The following PARP8 variants were observed in gnomAD, a reference collection of about 807,000 sequenced individuals.
PARP8 encodes protein mono-ADP-ribosyltransferase PARP8.
A neutral mutation model predicts 124.1 loss-of-function variants in PARP8; 51 were observed. The ratio of observed to expected loss-of-function variants is 0.41; its 90% CI spans 0.33 to 0.52. The LOEUF (loss-of-function observed/expected upper bound fraction) is 0.52, where lower values mean the gene tolerates loss of function less well. PARP8 is among the 20% of genes least tolerant of loss of function. The pLI is 0.21. For synonymous variants in PARP8, 391 were observed against 361.5 expected (o/e 1.08, Z -0.93); for missense variants, 860 against 1,018.9 (o/e 0.84, Z 2.12).
intron 2 of PARP8, among the ~76,000 whole-genome samples, chr5:50,685,237 C>G (rs1751730380): frequency 6.6e-6 from 1 of 152,178 alleles, no homozygotes; most frequent in Non-Finnish European, 1.5e-5. Flanking sequence ...GAATACCCAA[C>G]TCAGACTGGA....
chr5:50,790,231 A>G (rs556031752), intron 10 of PARP8, among the ~76,000 whole-genome samples: 2 of 152,206 alleles, frequency 1.3e-5, no homozygotes, highest in African/African-American at 2.4e-5. Context: ...TGTGTTTAGC[A>G]TATTATATAA....
At position 50,773,992 on chromosome 5, in the gene PARP8, A is replaced by G. The variant is rs192040507; in HGVS notation, c.519-4077A>G. On this transcript the variant is annotated intron_variant, in intron 7 of 25. Coordinates refer to ENST00000281631, the MANE Select transcript of PARP8 (RefSeq NM_024615.4). Reference sequence around the variant, plus strand: ...TAGGCAGAGGTCCCTGCGGCCTTCCACAGTGTTTGTGTCCCTGGGTACTTG... The same window carrying G: ...TAGGCAGAGGTCCCTGCGGCCTTCCGCAGTGTTTGTGTCCCTGGGTACTTG... Among the ~76,000 whole-genome samples, 1,134 of 152,236 alleles carry G rather than the reference A, an allele frequency of 7.4e-3. 15 individuals carry two copies. The highest frequency in any genetic ancestry group is 0.026 in the African/African-American group (1,064 of 41,532).
intron 14 of PARP8, among the ~76,000 whole-genome samples, chr5:50,809,567 A>G (rs752601845): frequency 2.0e-5 from 3 of 152,048 alleles, no homozygotes; most frequent in Admixed American, 6.6e-5. Flanking sequence ...ACAGCTTTCC[A>G]TACCTCAAGG....
intron 5 of PARP8, among the ~76,000 whole-genome samples, chr5:50,761,283 A>AT (rs1760512078): frequency 6.6e-6 from 1 of 152,138 alleles, no homozygotes; most frequent in Non-Finnish European, 1.5e-5. Flanking sequence ...GTTGAAGCAT[A>AT]TTAAATTAAA....
chr5:50,828,163 C>T (rs1340050030), intron 20 of PARP8, 107 bp downstream of exon 20: 3 of 1,124,972 alleles, frequency 2.7e-6, no homozygotes, highest in Non-Finnish European at 4.0e-6. Flanking sequence ...AGTAGATGGT[C>T]ATTCAACAGA....
At chr5:50,704,394 C>T (rs1753914518) in intron 2 of PARP8, among the ~76,000 whole-genome samples, 1 of 152,036 alleles carries the variant, frequency 6.6e-6, no homozygotes, top group African/African-American at 2.4e-5. Context: ...CTGCTCTGAC[C>T]AAGATATAAT....
chr5:50,790,813 T>A (rs1741869619), intron 10 of PARP8, among the ~76,000 whole-genome samples: 1 of 152,116 alleles, frequency 6.6e-6, no homozygotes, highest in South Asian at 2.1e-4. Context: ...TTTCAAAGAG[T>A]TACTTGCTTT....
chr5:50,773,155 GTTGA>G (rs1761799483), intron 7 of PARP8, among the ~76,000 whole-genome samples: 1 of 152,126 alleles, frequency 6.6e-6, no homozygotes. Flanking sequence ...TCTTCACTAT[GTTGA>G]TTGTTTCCTT....
chr5:50,819,427 CTTTTTTTTTTTTTTTTTTTT>C (rs34347134), intron 15 of PARP8, among the ~76,000 whole-genome samples: 14 of 46,640 alleles, frequency 3.0e-4, no homozygotes, highest in Non-Finnish European at 4.6e-4. Context: ...ATTTTATCTT[CTTTTTTTTTTTTTTTTTTTT>C]TTTTTTTTTT....
intron 2 of PARP8, among the ~76,000 whole-genome samples, chr5:50,735,956 T>TCC (rs374675045): frequency 0.1 from 14,006 of 133,994 alleles, 905 homozygotes; most frequent in African/African-American, 0.13. Context: ...TCTAGGGGAT[T>TCC]CCCCCCCCCC....
Position 50,795,110 on chromosome 5 carries a change from A to G in PARP8, c.1121A>G (p.Glu374Gly). ...NRPCPAAVKS[E>G]ECLTLKSHRL... The stretch of plus-strand genomic sequence containing the variant: ...CCTTGCCCTGCAGCTGTTAAGTCAG[A>G]GGAATGCCTAACTCTAAAGTCGCAT... The change falls in exon 12 of 26, where the codon GAG (glutamate) becomes GGG (glycine). Residue 374 changes from glutamate (E) to glycine (G), a missense_variant. By Grantham distance (98) the Glu-to-Gly change is moderately conservative (BLOSUM62 -2). This residue lies in a region of PARP8 where 517 missense variants were observed against 544.2 expected (regional missense o/e 0.95). Coordinates refer to ENST00000281631, the MANE Select transcript of PARP8 (RefSeq NM_024615.4). The G allele has an allele frequency of 6.2e-7, 1 of 1,614,228 alleles. No homozygotes were observed. Among genetic ancestry groups the G allele is most frequent in the East Asian group, 2.2e-5 (1 of 44,888 alleles).
chr5:50,799,192 C>T (rs1228285199), intron 14 of PARP8, among the ~76,000 whole-genome samples: 2 of 152,122 alleles, frequency 1.3e-5, no homozygotes, highest in African/African-American at 2.4e-5. Flanking sequence ...AAGAATTTCA[C>T]GATTTATGTC....
At chr5:50,672,795 C>T (rs574600182) in intron 2 of PARP8, among the ~76,000 whole-genome samples, 1 of 152,096 alleles carries the variant, frequency 6.6e-6, no homozygotes, top group Non-Finnish European at 1.5e-5. Flanking sequence ...TACTTGATTG[C>T]TAAAGGGCCT....
chr5:50,691,435 G>A (rs1217075294), intron 2 of PARP8, among the ~76,000 whole-genome samples: 1 of 152,098 alleles, frequency 6.6e-6, no homozygotes, highest in African/African-American at 2.4e-5. Flanking sequence ...TCCTCTCTTG[G>A]CTGCTGTGAT....
At chr5:50,705,822 AC>A (rs1425542661) in intron 2 of PARP8, among the ~76,000 whole-genome samples, 1 of 151,676 alleles carries the variant, frequency 6.6e-6, no homozygotes, top group African/African-American at 2.4e-5. Context: ...CTAGGACTTG[AC>A]TTTCATCATA....
rs577235390 is a variant in PARP8, at chr5:50,681,825, T to C, written c.146+13700T>C. Among the ~76,000 whole-genome samples the C allele has an allele frequency of 1.1e-3, 173 of 152,226 alleles. 1 individual carries two copies. The highest frequency in any genetic ancestry group is 4.0e-3 in the African/African-American group (167 of 41,556). ...CAGGGGCACTTCAAGCCCTCATCTC[T>C]ACTTTGTCCTGTCTCCCTACACCCT... On this transcript the variant is annotated intron_variant, in intron 2 of 25. Coordinates refer to ENST00000281631, the MANE Select transcript of PARP8 (RefSeq NM_024615.4).
intron 3 of PARP8, among the ~76,000 whole-genome samples, chr5:50,755,638 T>G (rs1418040120): frequency 6.6e-6 from 1 of 152,212 alleles, no homozygotes; most frequent in Non-Finnish European, 1.5e-5. Flanking sequence ...TTGCTCTTTT[T>G]GCTTCGGATT....
intron 2 of PARP8, among the ~76,000 whole-genome samples, chr5:50,709,702 C>G (rs988612582): frequency 6.6e-6 from 1 of 151,498 alleles, no homozygotes; most frequent in Non-Finnish European, 1.5e-5. Flanking sequence ...TAAATTTGCT[C>G]GTTCCACAAA....
At chr5:50,773,531 A>G (rs1761839407) in intron 7 of PARP8, among the ~76,000 whole-genome samples, 1 of 152,108 alleles carries the variant, frequency 6.6e-6, no homozygotes, top group Non-Finnish European at 1.5e-5. Flanking sequence ...GTTGGTCTAC[A>G]TGTCTATTTT....
Sources: allele counts gnomAD v4.1 joint callset (sites outside exome capture counted in the v4.1 genomes callset), GRCh38; gene constraint gnomAD v4.1.1; regional missense constraint gnomAD v4.1.1; transcripts MANE v1.5; gene names NCBI Gene and HGNC (gene_info 2026-07-23, HGNC 2026-07-21).